NXPE2: variants seen among roughly 807,000 people sequenced by gnomAD.
NXPE2 encodes the protein neurexophilin and PC-esterase domain family member 2, also known as NXPE family member 2.
Under a neutral mutation model 34.4 loss-of-function variants are expected in NXPE2, and 34 were observed. The observed-to-expected ratio is 0.99, with a 90% CI of 0.75 to 1.31. NXPE2 has a LOEUF of 1.31. NXPE2 is among the 40% of genes most tolerant of loss of function. The pLI, the probability that NXPE2 is intolerant of heterozygous loss-of-function variation, is 0.00. For synonymous variants in NXPE2, 235 were observed against 231.3 expected (o/e 1.02, Z -0.15); for missense variants, 649 against 672.5 (o/e 0.97, Z 0.39).
intron 2 of NXPE2, among the ~76,000 whole-genome samples, chr11:114,684,927 C>T (rs1279012672): frequency 6.6e-6 from 1 of 152,088 alleles, no homozygotes; most frequent in Non-Finnish European, 1.5e-5. Flanking sequence ...GGAACTGCCT[C>T]CATGGATATT....
At chr11:114,613,478 C>A in the NXPE2 span, among the ~76,000 whole-genome samples, 1 of 151,862 alleles carries the variant, frequency 6.6e-6, no homozygotes, top group Non-Finnish European at 1.5e-5. Flanking sequence ...ATAAGTATTG[C>A]CTCGTGGGTA....
At chr11:114,762,449 A>G in the NXPE2 span, among the ~76,000 whole-genome samples, 4 of 152,232 alleles carry the variant, frequency 2.6e-5, no homozygotes, top group Non-Finnish European at 5.9e-5. Context: ...TAAAAGAGCA[A>G]TTTTAGTAGG....
chr11:114,479,285 T>G, the NXPE2 span, among the ~76,000 whole-genome samples: 23 of 152,146 alleles, frequency 1.5e-4, no homozygotes, highest in African/African-American at 5.6e-4. Context: ...TGGATTTGAT[T>G]CGATTGATGG....
the NXPE2 span, among the ~76,000 whole-genome samples, chr11:114,620,388 A>G: frequency 6.6e-6 from 1 of 152,066 alleles, no homozygotes; most frequent in Non-Finnish European, 1.5e-5. Context: ...CTCGTGGGTA[A>G]CCACTGTTAC....
chr11:114,569,935 A>G, the NXPE2 span, among the ~76,000 whole-genome samples: 1 of 152,190 alleles, frequency 6.6e-6, no homozygotes, highest in African/African-American at 2.4e-5. Flanking sequence ...ACATTCCTCA[A>G]AGTTTATTAT....
the NXPE2 span, among the ~76,000 whole-genome samples, chr11:114,653,606 C>T: frequency 4.8e-5 from 7 of 145,878 alleles, no homozygotes; most frequent in Non-Finnish European, 1.0e-4. Flanking sequence ...CGGCTCACTG[C>T]AAGCTTCAAC....
the NXPE2 span, among the ~76,000 whole-genome samples, chr11:114,622,397 G>C: frequency 6.6e-6 from 1 of 152,044 alleles, no homozygotes; most frequent in South Asian, 2.1e-4. Context: ...TTTCTTGTGG[G>C]TAACCACTGT....
At position 114,706,537 on chromosome 11, in the gene NXPE2, C is replaced by G. The variant is rs752629579; in HGVS notation, c.1287C>G (p.Asn429Lys). 2 of 1,551,836 alleles carry G rather than the reference C, an allele frequency of 1.3e-6. No homozygotes were observed. Among genetic ancestry groups the G allele is most frequent in the South Asian group, 2.4e-5 (2 of 84,062 alleles). The change falls in exon 6 of 6, where the codon AAC (asparagine) becomes AAG (lysine). Residue 429 changes from asparagine (N) to lysine (K), a missense_variant. Coordinates refer to ENST00000389586, the MANE Select transcript of NXPE2 (RefSeq NM_182495.6). ...TKKLFSVKDE[N>K]YIPREIDQVA... ...AATTATTCTCAGTGAAAGATGAAAA[C>G]TATATCCCACGGGAAATTGACCAGG...
chr11:114,700,862 A>G (rs1951353275), intron 3 of NXPE2, among the ~76,000 whole-genome samples: 1 of 152,024 alleles, frequency 6.6e-6, no homozygotes, highest in Non-Finnish European at 1.5e-5. Flanking sequence ...TTGGTTCCCC[A>G]GTTTGGGAGC....
chr11:114,529,118 G>T, the NXPE2 span: 1 of 288,366 alleles, frequency 3.5e-6, no homozygotes, highest in Non-Finnish European at 6.4e-6. Flanking sequence ...CTCTAAACTT[G>T]ACTTTGAAAA....
At chr11:114,673,254 G>T in the NXPE2 span, among the ~76,000 whole-genome samples, 6 of 151,102 alleles carry the variant, frequency 4.0e-5, no homozygotes, top group Admixed American at 6.6e-5. Context: ...AATCACAAGG[G>T]AAATCAGAAT....
intron 4 of NXPE2, 23 bp from the exon 5 acceptor site, chr11:114,705,758 A>C: frequency 7.4e-7 from 1 of 1,350,340 alleles, no homozygotes; most frequent in Non-Finnish European, 9.8e-7. Context: ...AAAATTACTT[A>C]ATCTGGAAAT....
At chr11:114,654,875 A>G in the NXPE2 span, among the ~76,000 whole-genome samples, 5 of 152,304 alleles carry the variant, frequency 3.3e-5, no homozygotes, top group Non-Finnish European at 5.9e-5. Flanking sequence ...TTCTGGTTCT[A>G]GATCCTTGAG....
the NXPE2 span, chr11:114,553,539 TC>T: frequency 1.5e-5 from 3 of 195,026 alleles, no homozygotes; most frequent in African/African-American, 7.1e-5. Context: ...ATTAACCCCA[TC>T]CTCTATACCA....
chr11:114,555,505 G>A, the NXPE2 span, among the ~76,000 whole-genome samples: 23 of 152,256 alleles, frequency 1.5e-4, no homozygotes, highest in Non-Finnish European at 2.5e-4. Context: ...GATTACAGGC[G>A]TGAGCCACCA....
chr11:114,473,006 T>C, the NXPE2 span, among the ~76,000 whole-genome samples: 4 of 152,200 alleles, frequency 2.6e-5, no homozygotes, highest in South Asian at 8.3e-4. Flanking sequence ...GTTGAACATC[T>C]GGAAAAGAGA....
At chr11:114,601,453 A>G in the NXPE2 span, among the ~76,000 whole-genome samples, 1 of 124,904 alleles carries the variant, frequency 8.0e-6, no homozygotes, top group Non-Finnish European at 1.6e-5. Context: ...ATATATTTAT[A>G]TTATATATAA....
chr11:114,496,918 A>G, the NXPE2 span, among the ~76,000 whole-genome samples: 2,584 of 152,344 alleles, frequency 0.017, 84 homozygotes, highest in African/African-American at 0.058. Flanking sequence ...GTCATATAAA[A>G]GTATAACATA....
the NXPE2 span, among the ~76,000 whole-genome samples, chr11:114,777,570 C>T: frequency 6.6e-6 from 1 of 152,136 alleles, no homozygotes; most frequent in African/African-American, 2.4e-5. Flanking sequence ...CAGGATGAGG[C>T]ATTTCCATGA....
Sources: gnomAD v4.1 joint callset for allele counts (sites outside exome capture counted in the v4.1 genomes callset) on GRCh38, gnomAD v4.1.1 for gene constraint, MANE v1.5 for transcripts, NCBI Gene and HGNC (gene_info 2026-07-23, HGNC 2026-07-21) for gene names.